Variants in ATP6V1C2 observed in about 807,000 individuals in gnomAD.
ATP6V1C2 encodes V-type proton ATPase subunit C 2.
In ATP6V1C2, 45 loss-of-function variants were observed where a neutral mutation model predicts 56.8. The ratio of observed to expected loss-of-function variants is 0.79; its 90% CI spans 0.62 to 1.02. The LOEUF is 1.02. Among genes scored for constraint, ATP6V1C2 ranks in the 50% least tolerant of loss-of-function variants. ATP6V1C2 has a pLI of 0.00. For synonymous variants in ATP6V1C2, 220 were observed against 201.3 expected (o/e 1.09, Z -0.79); for missense variants, 463 against 519.7 (o/e 0.89, Z 1.06).
intron 3 of ATP6V1C2, among the ~76,000 whole-genome samples, chr2:10,733,227 G>A (rs1662063078): frequency 6.6e-6 from 1 of 152,146 alleles, no homozygotes; most frequent in Non-Finnish European, 1.5e-5. Flanking sequence ...CTAGTCCAGG[G>A]GTCAGGGTGT....
chr2:10,754,453 C>T (rs1040229430), intron 4 of ATP6V1C2, among the ~76,000 whole-genome samples: 1 of 152,158 alleles, frequency 6.6e-6, no homozygotes, highest in African/African-American at 2.4e-5. Flanking sequence ...CTCAAGCTCC[C>T]AACCTCAAGT....
intron 6 of ATP6V1C2, 62 bp from the exon 7 acceptor site, chr2:10,771,777 T>G: frequency 7.6e-7 from 1 of 1,320,040 alleles, no homozygotes; most frequent in Non-Finnish European, 1.1e-6. Flanking sequence ...TGGGTGTGTG[T>G]GGGGTCACTG....
chr2:10,745,700 G>A lies in ATP6V1C2; in HGVS notation c.198-8281G>A, dbSNP rs142675810. 1.9e-3 allele frequency among the ~76,000 whole-genome samples: 292 copies of A among 152,092 alleles called. 2 individuals are homozygous for A. Among genetic ancestry groups the A allele is most frequent in the African/African-American group, 6.6e-3 (272 of 41,494 alleles). On this transcript the variant is annotated intron_variant, in intron 3 of 13. Coordinates refer to ENST00000272238, the MANE Select transcript of ATP6V1C2 (RefSeq NM_001039362.2). ...GTACGTTCACACTGCTGTTACAACC[G>A]TCACCACCCTCCACCCACAGGACTT...
intron 3 of ATP6V1C2, among the ~76,000 whole-genome samples, chr2:10,743,223 G>A (rs1252251548): frequency 1.3e-5 from 2 of 151,722 alleles, no homozygotes; most frequent in Non-Finnish European, 2.9e-5. Flanking sequence ...TGAGTTGCTG[G>A]GACTACAGGC....
chr2:10,765,241 G>A (rs1168987943), intron 5 of ATP6V1C2, among the ~76,000 whole-genome samples: 2 of 152,200 alleles, frequency 1.3e-5, no homozygotes, highest in Non-Finnish European at 2.9e-5. Context: ...TGAACACCCT[G>A]TGACTCGAGT....
rs992368216 is a variant in ATP6V1C2, at chr2:10,780,895, C to T, written c.1062-1348C>T. On this transcript the variant is annotated intron_variant, in intron 12 of 13. Transcript: ENST00000272238. The surrounding 1 kb of genome is among the most constrained non-coding windows in gnomAD (Gnocchi z 4.1). ...TAGTAGCTGGGATTACAGGCGTGCA[C>T]CACCACGCCCAGCTAATTTTTGTAA... 1.3e-5 allele frequency among the ~76,000 whole-genome samples: 2 copies of T among 152,148 alleles called. No individual in the cohort carries two copies. Among genetic ancestry groups the T allele is most frequent in the African/African-American group, 2.4e-5 (1 of 41,422 alleles).
intron 3 of ATP6V1C2, among the ~76,000 whole-genome samples, chr2:10,735,564 CAT>C (rs904703103): frequency 6.6e-6 from 1 of 151,118 alleles, no homozygotes; most frequent in African/African-American, 2.4e-5. Context: ...CAAATTTGGA[CAT>C]GTGAACAAAT....
intron 3 of ATP6V1C2, among the ~76,000 whole-genome samples, chr2:10,752,972 G>A (rs1490160659): frequency 6.6e-6 from 1 of 151,998 alleles, no homozygotes; most frequent in African/African-American, 2.4e-5. Context: ...CTCCAGCCTG[G>A]GTGACAGAGC....
In ATP6V1C2 at chr2:10,775,043, G is replaced by C. The variant is rs1338249198; in HGVS notation, c.797G>C (p.Arg266Thr). Residue 266 changes from arginine (R) to threonine (T), a missense_variant, in exon 10 of 14, where the codon AGA (arginine) becomes ACA (threonine). Arg to Thr is a moderately conservative substitution (Grantham distance 71, BLOSUM62 -1). Transcript: ENST00000272238. ...EIEREREEMA[R>T]LLSDKKQQYQ... is the part of the protein sequence containing the mutation. The stretch of plus-strand genomic sequence containing the variant: ...GAAAGGGAAAGGGAGGAGATGGCCA[G>C]ATTGCTGTCTGATAAGAAGCAACAG... The C allele has an allele frequency of 1.2e-6, 2 of 1,613,928 alleles. No homozygotes were observed. Among genetic ancestry groups the C allele is most frequent in the Non-Finnish European group, 1.7e-6 (2 of 1,179,986 alleles).
At chr2:10,754,838 A>G (rs1252462040) in intron 4 of ATP6V1C2, among the ~76,000 whole-genome samples, 2 of 151,848 alleles carry the variant, frequency 1.3e-5, no homozygotes. Context: ...CGGCCTCCCA[A>G]AGTGCTGGGA....
At chr2:10,749,776 A>G (rs1042162951) in intron 3 of ATP6V1C2, among the ~76,000 whole-genome samples, 4 of 152,208 alleles carry the variant, frequency 2.6e-5, no homozygotes, top group African/African-American at 9.7e-5. Context: ...TTTCTGATCC[A>G]GGCAACTTAT....
At chr2:10,747,122 G>A (rs573166882) in intron 3 of ATP6V1C2, among the ~76,000 whole-genome samples, 1 of 152,182 alleles carries the variant, frequency 6.6e-6, no homozygotes, top group Admixed American at 6.6e-5. Flanking sequence ...TACAAAATTA[G>A]CCAGTCATGG....
intron 4 of ATP6V1C2, among the ~76,000 whole-genome samples, chr2:10,761,395 G>A (rs1047535374): frequency 5.3e-5 from 8 of 152,004 alleles, no homozygotes; most frequent in Non-Finnish European, 7.4e-5. Context: ...TTTCACTGTC[G>A]TTCCTGCCAC....
intron 4 of ATP6V1C2, among the ~76,000 whole-genome samples, chr2:10,755,120 C>T (rs941398625): frequency 4.6e-5 from 7 of 152,092 alleles, no homozygotes; most frequent in African/African-American, 1.7e-4. Context: ...CAGATTCAAG[C>T]GATTCTCCCG....
intron 3 of ATP6V1C2, among the ~76,000 whole-genome samples, chr2:10,741,046 A>T (rs1005392254): frequency 6.6e-6 from 1 of 152,250 alleles, no homozygotes; most frequent in Non-Finnish European, 1.5e-5. Flanking sequence ...GGGTGACTCT[A>T]TAATGCCAGC....
intron 1 of ATP6V1C2, among the ~76,000 whole-genome samples, chr2:10,722,318 T>TA (rs1057205469): frequency 6.6e-6 from 1 of 151,944 alleles, no homozygotes; most frequent in Non-Finnish European, 1.5e-5. Flanking sequence ...TTTTCTTATT[T>TA]AAAAAAATCC....
chr2:10,732,388 A>G (rs375284281), intron 3 of ATP6V1C2, among the ~76,000 whole-genome samples: 2 of 151,922 alleles, frequency 1.3e-5, no homozygotes, highest in Non-Finnish European at 2.9e-5. Flanking sequence ...CCTTCCAAAT[A>G]GCTGGATTAC....
chr2:10,766,007 A>G (rs1254609349), intron 5 of ATP6V1C2, among the ~76,000 whole-genome samples: 1 of 152,156 alleles, frequency 6.6e-6, no homozygotes, highest in African/African-American at 2.4e-5. Context: ...GCCTCATGCC[A>G]TGGGGTGGAC....
At chr2:10,727,898 C>G (rs1001726519) in intron 3 of ATP6V1C2, among the ~76,000 whole-genome samples, 1 of 152,064 alleles carries the variant, frequency 6.6e-6, no homozygotes, top group Non-Finnish European at 1.5e-5. Flanking sequence ...AGCAAGACTC[C>G]GTCTCAAAAA....
Sources: gnomAD v4.1 joint callset for allele counts (sites outside exome capture counted in the v4.1 genomes callset) on GRCh38, gnomAD v4.1.1 for gene constraint, Gnocchi (gnomAD v3.1) non-coding constraint, MANE v1.5 for transcripts, NCBI Gene and HGNC (gene_info 2026-07-23, HGNC 2026-07-21) for gene names.